The following DCLK2 variants were observed in gnomAD, a reference collection of about 807,000 sequenced individuals.
DCLK2 encodes the protein serine/threonine-protein kinase DCLK2.
A neutral mutation model predicts 78.4 loss-of-function variants in DCLK2; 31 were observed. The ratio of observed to expected loss-of-function variants is 0.40; its 90% CI spans 0.30 to 0.53. The LOEUF (loss-of-function observed/expected upper bound fraction) is 0.53, where lower values mean the gene tolerates loss of function less well. Among genes scored for constraint, DCLK2 ranks in the 20% least tolerant of loss-of-function variants. The pLI is 0.61. For missense variants in DCLK2, 872 were observed against 973.7 expected, an observed-to-expected ratio of 0.90 and a Z score of 1.39; for synonymous variants, 407 against 374.9, an observed-to-expected ratio of 1.09 and a Z score of -0.99.
chr4:150,207,601 G>A (rs898837576), intron 5 of DCLK2, among the ~76,000 whole-genome samples: 2 of 152,074 alleles, frequency 1.3e-5, no homozygotes, highest in Non-Finnish European at 2.9e-5. Context: ...GTTCTTTGAG[G>A]GGCTGGAAAA....
At chr4:150,228,453 T>C (rs183919139) in intron 8 of DCLK2, among the ~76,000 whole-genome samples, 266 of 152,280 alleles carry the variant, frequency 1.7e-3, no homozygotes, top group African/African-American at 6.1e-3. Context: ...CGTGAACACT[T>C]TGGTACCTAC....
At chr4:150,192,012 C>T (rs1392250977) in intron 2 of DCLK2, among the ~76,000 whole-genome samples, 1 of 152,042 alleles carries the variant, frequency 6.6e-6, no homozygotes, top group Non-Finnish European at 1.5e-5. Context: ...AGAAAGCTTA[C>T]CACATATCCC....
intron 10 of DCLK2, 102 bp downstream of exon 10, chr4:150,232,930 A>G: frequency 1.4e-6 from 2 of 1,391,922 alleles, no homozygotes; most frequent in Non-Finnish European, 1.9e-6. Flanking sequence ...ATCCTACATT[A>G]TGAGACTTTA....
chr4:150,196,096 A>C (rs957419458), intron 3 of DCLK2, among the ~76,000 whole-genome samples: 1 of 152,112 alleles, frequency 6.6e-6, no homozygotes, highest in African/African-American at 2.4e-5. Flanking sequence ...CTTGTATTGT[A>C]ATCTTAATGA....
chr4:150,239,630 A>G (rs1291219774), intron 10 of DCLK2, 112 bp from the exon 11 acceptor site: 1 of 1,367,590 alleles, frequency 7.3e-7, no homozygotes, highest in Non-Finnish European at 1.0e-6. Flanking sequence ...GAGAGATTTC[A>G]TTCGAGTTTA....
At chr4:150,088,504 G>C (rs1284129069) in intron 1 of DCLK2, among the ~76,000 whole-genome samples, 1 of 151,304 alleles carries the variant, frequency 6.6e-6, no homozygotes, top group Non-Finnish European at 1.5e-5. Context: ...ACTAGAGACA[G>C]AGTCTTTGTT....
chr4:150,203,964 T>C (rs888115840), intron 5 of DCLK2, 75 bp downstream of exon 5: 15 of 1,390,398 alleles, frequency 1.1e-5, no homozygotes, highest in African/African-American at 2.9e-5. Context: ...TTTAATTTGT[T>C]TGGGGGCTTG....
At chr4:150,157,622 C>T (rs1735405424) in intron 2 of DCLK2, among the ~76,000 whole-genome samples, 1 of 151,988 alleles carries the variant, frequency 6.6e-6, no homozygotes, top group East Asian at 1.9e-4. Context: ...AGGTGATTCT[C>T]ATGCCTCAAC....
chr4:150,201,998 G>A (rs1231257480), intron 4 of DCLK2, among the ~76,000 whole-genome samples: 1 of 152,026 alleles, frequency 6.6e-6, no homozygotes, highest in Non-Finnish European at 1.5e-5. Flanking sequence ...GCAGACTTGC[G>A]TTGACTTCTT....
At chr4:150,247,572 C>G (rs1450805450) in intron 12 of DCLK2, 31 bp from the exon 13 acceptor site, 1 of 1,599,082 alleles carries the variant, frequency 6.3e-7, no homozygotes, top group Non-Finnish European at 8.6e-7. Context: ...GTGACTTTGA[C>G]TTTTCTTCCA....
At chr4:150,090,249 T>C (rs546158369) in intron 1 of DCLK2, among the ~76,000 whole-genome samples, 1 of 152,172 alleles carries the variant, frequency 6.6e-6, no homozygotes, top group Non-Finnish European at 1.5e-5. Context: ...CTACTAAAAA[T>C]ACAAAAATTA....
At chr4:150,249,517 C>A in intron 14 of DCLK2, 51 bp from the exon 15 acceptor site, 1 of 1,540,362 alleles carries the variant, frequency 6.5e-7, no homozygotes, top group Non-Finnish European at 9.0e-7. Context: ...AAAGACAACT[C>A]AAACGGGAGG....
At chr4:150,140,747 A>G (rs781118005) in intron 2 of DCLK2, among the ~76,000 whole-genome samples, 2 of 152,170 alleles carry the variant, frequency 1.3e-5, no homozygotes, top group Non-Finnish European at 2.9e-5. Context: ...TTAGTGTATT[A>G]TTTTAGATAT....
chr4:150,168,337 A>G (rs573916290), intron 2 of DCLK2, among the ~76,000 whole-genome samples: 79 of 144,376 alleles, frequency 5.5e-4, no homozygotes, highest in African/African-American at 1.9e-3. Context: ...ACAGAGCGAG[A>G]CTCCATCTCA....
At chr4:150,253,079 G>C (rs182548675) in intron 15 of DCLK2, among the ~76,000 whole-genome samples, 213 of 149,732 alleles carry the variant, frequency 1.4e-3, no homozygotes, top group Non-Finnish European at 2.3e-3. Flanking sequence ...TGTCCTCCTC[G>C]TCCTCCTCAT....
chr4:150,112,569 A>C (rs1285042144), intron 2 of DCLK2, among the ~76,000 whole-genome samples: 1 of 152,072 alleles, frequency 6.6e-6, no homozygotes, highest in East Asian at 1.9e-4. Flanking sequence ...TTGTCTGATA[A>C]TGGCTTTTAT....
chr4:150,184,843 C>G (rs956769004), intron 2 of DCLK2, among the ~76,000 whole-genome samples: 1 of 151,976 alleles, frequency 6.6e-6, no homozygotes, highest in Non-Finnish European at 1.5e-5. Flanking sequence ...CCTCATGATC[C>G]GCCCGCCTCA....
chr4:150,190,816 C>T (rs911627519), intron 2 of DCLK2, among the ~76,000 whole-genome samples: 9 of 152,010 alleles, frequency 5.9e-5, no homozygotes, highest in Admixed American at 1.3e-4. Context: ...GCTCAATAAA[C>T]GCTTTTAAAA....
chr4:150,127,966 G>A (rs751230131), intron 2 of DCLK2, among the ~76,000 whole-genome samples: 12 of 152,220 alleles, frequency 7.9e-5, no homozygotes, highest in Non-Finnish European at 1.3e-4. Context: ...TGCAACCTAA[G>A]TGCAATGAAC....
Sources: allele counts gnomAD v4.1 joint callset (sites outside exome capture counted in the v4.1 genomes callset), GRCh38; gene constraint gnomAD v4.1.1; transcripts MANE v1.5; gene names NCBI Gene and HGNC (gene_info 2026-07-23, HGNC 2026-07-21).